Variants in USP4 observed in about 807,000 individuals in gnomAD.
USP4 encodes the protein ubiquitin carboxyl-terminal hydrolase 4.
In USP4, 72 loss-of-function variants were observed where a neutral mutation model predicts 118.2. That is an observed-to-expected ratio of 0.61 (90% CI 0.50 to 0.74). USP4 has a LOEUF of 0.74. Ranked by LOEUF, USP4 falls within the 30% of genes least tolerant of loss-of-function variation. USP4 has a pLI of 0.00. For missense variants in USP4, 1,037 were observed against 1,185.7 expected, an observed-to-expected ratio of 0.87 and a Z score of 1.84; for synonymous variants, 415 against 440.4, an observed-to-expected ratio of 0.94 and a Z score of 0.72.
intron 13 of USP4, among the ~76,000 whole-genome samples, chr3:49,295,038 C>G (rs2047188125): frequency 6.6e-6 from 1 of 152,042 alleles, no homozygotes; most frequent in African/African-American, 2.4e-5. Flanking sequence ...GCCTGTAATC[C>G]CAGCACTTTG....
At chr3:49,280,531 G>T (rs1288787769) in intron 20 of USP4, among the ~76,000 whole-genome samples, 1 of 146,648 alleles carries the variant, frequency 6.8e-6, no homozygotes. Context: ...CTGTGTTCTA[G>T]CCTGGGTGAC....
Position 49,278,323 on chromosome 3 carries a change from A to C in USP4, c.2862T>G (p.Asp954Glu), listed in dbSNP as rs2046983243. 5 of 1,613,968 alleles carry C rather than the reference A, an allele frequency of 3.1e-6. No homozygotes were observed. Among genetic ancestry groups the C allele is most frequent in the Non-Finnish European group, 4.2e-6 (5 of 1,180,040 alleles). ...TGGTGTCCATGCTGCAAGCCTCATC[A>C]TCCCCAAAGCCCTGCTGAGAGCTGC... ...RPSSSQQGFG[D>E]DEACSMDTN The change falls in exon 22 of 22, where the codon GAT becomes GAG. Residue 954 changes from aspartate to glutamate, a missense_variant. This residue lies in a region of USP4 where 522 missense variants were observed against 592.6 expected (regional missense o/e 0.88). Coordinates refer to ENST00000265560, the MANE Select transcript of USP4 (RefSeq NM_003363.4).
intron 13 of USP4, 46 bp from the exon 14 acceptor site, chr3:49,294,644 G>A: frequency 6.4e-7 from 1 of 1,566,476 alleles, no homozygotes. Context: ...AGGTCCTTGT[G>A]AACAACAGAG....
intron 6 of USP4, among the ~76,000 whole-genome samples, chr3:49,314,305 G>C (rs2047413904): frequency 6.6e-6 from 1 of 152,118 alleles, no homozygotes; most frequent in South Asian, 2.1e-4. Context: ...GGGAGAATGA[G>C]GGCTCCTCAG....
chr3:49,294,685 C>T (rs1443079572), intron 13 of USP4, 87 bp from the exon 14 acceptor site: 22 of 1,289,720 alleles, frequency 1.7e-5, no homozygotes, highest in Admixed American at 6.1e-5. Flanking sequence ...GTGGCCAGGG[C>T]TATGATTACT....
intron 19 of USP4, among the ~76,000 whole-genome samples, chr3:49,282,197 A>G (rs967512650): frequency 6.6e-6 from 1 of 152,068 alleles, no homozygotes; most frequent in African/African-American, 2.4e-5. Flanking sequence ...AATAATTTAA[A>G]CTCAACCAAA....
intron 6 of USP4, chr3:49,316,877 C>T (rs926897675): frequency 3.3e-6 from 2 of 598,594 alleles, no homozygotes; most frequent in African/African-American, 1.9e-5. Flanking sequence ...GCCCACCCTC[C>T]CCATAGCCTG....
rs138367103 is a variant in USP4 at position 49,283,872 on chromosome 3, G to A, written c.2540+115C>T. 203 of 1,280,312 alleles carry A rather than the reference G, an allele frequency of 1.6e-4. 2 individuals carry two copies. The East Asian group carries it at 2.1e-3, about 13-fold the overall frequency. The allele number at this position is 1,280,312 out of a possible 1,614,324, so 79.3% of individuals were successfully genotyped here. A position where few individuals can be genotyped will look rare whatever the true frequency, so the allele number is the denominator to read the frequency against. On this transcript the variant is annotated intron_variant, in intron 19 of 21. Coordinates refer to ENST00000265560, the MANE Select transcript of USP4 (RefSeq NM_003363.4). ...GCTAAACTCTGACCTCCTAGACCCC[G>A]GCAACACACATCCTTACTCAGAAAA...
intron 2 of USP4, among the ~76,000 whole-genome samples, chr3:49,330,534 T>C (rs909150238): frequency 3.3e-5 from 5 of 150,816 alleles, no homozygotes; most frequent in Non-Finnish European, 7.4e-5. Flanking sequence ...GGTTTCACCA[T>C]GTTAGCCAGG....
Position 49,277,162 on chromosome 3 carries a change from C to T in USP4, c.*1131G>A. ...TACCGGCACCCCCCCTTTGGCGAGT[C>T]GGCAGCCACGTCCTTGTCCTCACCC... is the stretch of plus-strand genomic sequence containing the variant. On this transcript the variant is annotated 3_prime_UTR_variant, in exon 22 of 22. Coordinates refer to ENST00000265560, the MANE Select transcript of USP4 (RefSeq NM_003363.4). The T allele has an allele frequency of 2.1e-6, 3 of 1,409,480 alleles. No individual in the cohort carries two copies. Among genetic ancestry groups the T allele is most frequent in the South Asian group, 2.4e-5 (2 of 82,074 alleles). 87.3% of individuals were successfully genotyped at this position (1,409,480 alleles called of 1,614,324 possible).
chr3:49,334,053 A>G (rs1345524034), intron 2 of USP4, among the ~76,000 whole-genome samples: 2 of 152,186 alleles, frequency 1.3e-5, no homozygotes, highest in Non-Finnish European at 2.9e-5. Context: ...ATCACTGATC[A>G]CCATAACAAA....
chr3:49,338,946 G>C (rs1368189192), intron 1 of USP4, among the ~76,000 whole-genome samples: 1 of 152,116 alleles, frequency 6.6e-6, no homozygotes, highest in Non-Finnish European at 1.5e-5. Flanking sequence ...AAGAGTTTGA[G>C]ACCAGCCTAC....
intron 2 of USP4, among the ~76,000 whole-genome samples, chr3:49,328,371 C>T (rs558923267): frequency 3.3e-5 from 5 of 151,770 alleles, no homozygotes; most frequent in Non-Finnish European, 7.4e-5. Context: ...ATAAATAAAT[C>T]ATACATGAGG....
At chr3:49,338,676 A>AG (rs1042817025) in intron 1 of USP4, among the ~76,000 whole-genome samples, 1 of 149,320 alleles carries the variant, frequency 6.7e-6, no homozygotes, top group Admixed American at 6.7e-5. Context: ...AAAAAAAAAA[A>AG]AAAGAAAAGA....
intron 15 of USP4, among the ~76,000 whole-genome samples, chr3:49,287,623 C>T (rs1311586490): frequency 6.6e-6 from 1 of 152,078 alleles, no homozygotes; most frequent in Non-Finnish European, 1.5e-5. Context: ...CAGGCACGCA[C>T]CACCACGCCC....
Position 49,317,018 on chromosome 3 carries a change from T to C in USP4, c.696-5364A>G, listed in dbSNP as rs538759765. The C allele has an allele frequency of 1.1e-5, 9 of 826,934 alleles. No individual in the cohort carries two copies. In the East Asian group the frequency reaches 2.1e-4, roughly 19 times the overall value. 51.2% of individuals were successfully genotyped at this position (826,934 alleles called of 1,614,324 possible). On this transcript the variant is annotated intron_variant, in intron 6 of 21. Transcript: ENST00000265560. ...AGCTGCTGCCATGAAGAAGACGCTC[T>C]GTGGACAGACTTGCTGGGGCTGAGT...
At position 49,339,984 on chromosome 3, in the gene USP4, T is replaced by C; in HGVS notation, c.41A>G (p.Glu14Gly). 6.2e-7 allele frequency: 1 copy of C among 1,612,120 alleles called. No homozygotes were observed. The highest frequency in any genetic ancestry group is 1.7e-5 in the Admixed American group (1 of 60,016). The change falls in exon 1 of 22, where the codon GAG (glutamate) becomes GGG (glycine). Residue 14 changes from glutamate (E) to glycine (G), a missense_variant. Physicochemically the swap from Glu to Gly is moderately conservative, Grantham distance 98 (BLOSUM62 -2). This residue lies in a region of USP4 where 487 missense variants were observed against 534.1 expected (regional missense o/e 0.91). Coordinates refer to ENST00000265560, the MANE Select transcript of USP4 (RefSeq NM_003363.4). ...GGGCRERPDAETQKSELGPLM... is the reference protein window; with the variant it reads ...GGGCRERPDAGTQKSELGPLM... ...GGGTCCAAGCTCGGACTTCTGAGTCTCCGCATCCGGTCGCTCACGGCAGCC... is the reference window on the plus strand; with the variant it reads ...GGGTCCAAGCTCGGACTTCTGAGTCCCCGCATCCGGTCGCTCACGGCAGCC...
Position 49,316,149 on chromosome 3 carries a change from C to T in USP4, c.696-4495G>A, listed in dbSNP as rs560207495. Among the ~76,000 whole-genome samples, 32 of 151,960 alleles carry T rather than the reference C, an allele frequency of 2.1e-4. 1 individual carries two copies. The highest frequency in any genetic ancestry group is 7.0e-4 in the African/African-American group (29 of 41,434). On this transcript the variant is annotated intron_variant, in intron 6 of 21. Transcript: ENST00000265560. The stretch of plus-strand genomic sequence containing the variant: ...CCCGGGAGGTGGAGGTTGCAGTGAG[C>T]CGAGATCGCGCCATTGCACTCCAGA...
At chr3:49,331,654 T>C (rs1297357526) in intron 2 of USP4, among the ~76,000 whole-genome samples, 5 of 152,128 alleles carry the variant, frequency 3.3e-5, no homozygotes, top group Non-Finnish European at 7.4e-5. Context: ...ATATTCGGTA[T>C]ACCATGCTGT....
Sources: allele counts gnomAD v4.1 joint callset (sites outside exome capture counted in the v4.1 genomes callset), GRCh38; gene constraint gnomAD v4.1.1; regional missense constraint gnomAD v4.1.1; transcripts MANE v1.5; gene names NCBI Gene and HGNC (gene_info 2026-07-23, HGNC 2026-07-21).